The following FAT3 variants were observed in gnomAD, a reference collection of about 807,000 sequenced individuals.
The protein encoded by FAT3 is protocadherin Fat 3.
Under a neutral mutation model 310.2 loss-of-function variants are expected in FAT3, and 95 were observed. That is an observed-to-expected ratio of 0.31 (90% CI 0.26 to 0.36). FAT3 has a LOEUF of 0.36. Among genes scored for constraint, FAT3 ranks in the 10% least tolerant of loss-of-function variants. The pLI is 1.00. For missense variants in FAT3, 5,408 were observed against 5,715.6 expected, an observed-to-expected ratio of 0.95 and a Z score of 1.74; for synonymous variants, 2,314 against 2,192.9, an observed-to-expected ratio of 1.06 and a Z score of -1.54.
rs1565606712 is a variant in FAT3, at chr11:92,800,556, G to C, written c.7543G>C (p.Val2515Leu). The change falls in exon 10 of 28, where the codon GTA becomes CTA. Residue 2515 changes from valine to leucine, a missense_variant. Physicochemically the swap from Val to Leu is conservative, Grantham distance 32. Transcript: ENST00000525166. ...VRENVAAGTK[V>L]IHVRATDGDP... ...AGAGAACGTGGCTGCAGGAACAAAG[G>C]TAATTCATGTTCGAGCCACAGATGG... 2 of 1,613,770 alleles carry C rather than the reference G, an allele frequency of 1.2e-6. No individual in the cohort carries two copies. Among genetic ancestry groups the C allele is most frequent in the Non-Finnish European group, 1.7e-6 (2 of 1,179,832 alleles).
At chr11:92,647,719 A>G (rs976615380) in intron 3 of FAT3, among the ~76,000 whole-genome samples, 1 of 152,150 alleles carries the variant, frequency 6.6e-6, no homozygotes, top group Non-Finnish European at 1.5e-5. Flanking sequence ...CCAATAAACT[A>G]TCAATTAAAT....
chr11:92,230,978 A>G (rs1864155703), intron 1 of FAT3, among the ~76,000 whole-genome samples: 1 of 152,224 alleles, frequency 6.6e-6, no homozygotes, highest in Non-Finnish European at 1.5e-5. Flanking sequence ...GTCAGGGGGC[A>G]GTGCAGAGCT....
At chr11:92,795,605 G>A (rs537846240) in intron 9 of FAT3, among the ~76,000 whole-genome samples, 36 of 152,128 alleles carry the variant, frequency 2.4e-4, no homozygotes, top group African/African-American at 8.4e-4. Context: ...CCATGGGATA[G>A]CAGGATTATG....
At chr11:92,404,074 A>G (rs143870634) in intron 2 of FAT3, among the ~76,000 whole-genome samples, 269 of 151,900 alleles carry the variant, frequency 1.8e-3, no homozygotes, top group African/African-American at 5.8e-3. Flanking sequence ...GGAGGGAGGG[A>G]GGGAAAAGTT....
At chr11:92,889,957 AC>A (rs1949879323) in intron 27 of FAT3, 66 bp downstream of exon 27, 2 of 717,496 alleles carry the variant, frequency 2.8e-6, no homozygotes, top group Non-Finnish European at 5.2e-6. Context: ...GTTCATTCTT[AC>A]CCTGTTCCTG....
chr11:92,641,354 G>A (rs1301554877), intron 3 of FAT3, among the ~76,000 whole-genome samples: 1 of 152,050 alleles, frequency 6.6e-6, no homozygotes, highest in African/African-American at 2.4e-5. Flanking sequence ...GTTTCCTAGG[G>A]CCAATATGAC....
At chr11:92,782,561 GTAAT>G (rs1565589802) in intron 7 of FAT3, among the ~76,000 whole-genome samples, 3 of 152,124 alleles carry the variant, frequency 2.0e-5, no homozygotes, top group East Asian at 1.9e-4. Context: ...GTCTCAAAAA[GTAAT>G]TAATTAATTA....
At chr11:92,377,556 T>C (rs1217997767) in intron 2 of FAT3, among the ~76,000 whole-genome samples, 2 of 152,204 alleles carry the variant, frequency 1.3e-5, no homozygotes, top group Non-Finnish European at 2.9e-5. Flanking sequence ...TTATTAGAAT[T>C]ATTGAGCATG....
chr11:92,576,406 TGATAAAA>T (rs1938488191), intron 3 of FAT3, among the ~76,000 whole-genome samples: 1 of 152,156 alleles, frequency 6.6e-6, no homozygotes, highest in Non-Finnish European at 1.5e-5. Context: ...ACAAGTAAAT[TGATAAAA>T]CTTCAGTCCA....
chr11:92,598,181 A>G (rs946042883), intron 3 of FAT3, among the ~76,000 whole-genome samples: 1 of 149,132 alleles, frequency 6.7e-6, no homozygotes, highest in African/African-American at 2.4e-5. Context: ...GGATTTTAAA[A>G]ATTTATTTTC....
intron 2 of FAT3, among the ~76,000 whole-genome samples, chr11:92,439,126 G>A (rs1202502089): frequency 6.6e-6 from 1 of 152,138 alleles, no homozygotes; most frequent in Non-Finnish European, 1.5e-5. Flanking sequence ...TTCATTCTGT[G>A]TATTATTGGA....
At chr11:92,750,326 A>C (rs1447045323) in intron 4 of FAT3, among the ~76,000 whole-genome samples, 2 of 152,192 alleles carry the variant, frequency 1.3e-5, no homozygotes, top group Non-Finnish European at 2.9e-5. Flanking sequence ...AGTACTATGG[A>C]AGAAGTCGGG....
intron 21 of FAT3, among the ~76,000 whole-genome samples, chr11:92,865,842 G>A (rs941036722): frequency 4.6e-5 from 7 of 152,212 alleles, no homozygotes; most frequent in South Asian, 2.1e-4. Context: ...TGTGTGTGAT[G>A]TCTCCTGGGA....
At chr11:92,338,328 A>G (rs2134569491) in intron 1 of FAT3, among the ~76,000 whole-genome samples, 1 of 152,260 alleles carries the variant, frequency 6.6e-6, no homozygotes, top group African/African-American at 2.4e-5. Flanking sequence ...CCTACATGGA[A>G]TGAGGCTTCT....
At chr11:92,613,210 G>T (rs1349425411) in intron 3 of FAT3, among the ~76,000 whole-genome samples, 2 of 151,956 alleles carry the variant, frequency 1.3e-5, no homozygotes, top group African/African-American at 2.4e-5. Context: ...CCCTCCTTTG[G>T]TCGAGAAGAC....
At chr11:92,760,290 A>C (rs1591696339) in intron 4 of FAT3, among the ~76,000 whole-genome samples, 2 of 152,366 alleles carry the variant, frequency 1.3e-5, no homozygotes, top group Middle Eastern at 6.8e-3. Context: ...AGAGAAACTA[A>C]ACTAGATTGC....
At chr11:92,449,581 T>G (rs1281058250) in intron 2 of FAT3, among the ~76,000 whole-genome samples, 1 of 152,138 alleles carries the variant, frequency 6.6e-6, no homozygotes, top group Admixed American at 6.5e-5. Flanking sequence ...TTAGGGAACA[T>G]ACATCCTCAT....
intron 7 of FAT3, among the ~76,000 whole-genome samples, chr11:92,789,160 A>T (rs1243580928): frequency 4.6e-5 from 7 of 152,086 alleles, no homozygotes; most frequent in Non-Finnish European, 1.0e-4. Context: ...TTATTCTAAG[A>T]GTTCTGTCTT....
chr11:92,539,597 C>G lies in FAT3; in HGVS notation c.3607+14649C>G, dbSNP rs542829737. 9.9e-5 allele frequency among the ~76,000 whole-genome samples: 15 copies of G among 152,232 alleles called. No homozygotes were observed. In the South Asian group the frequency reaches 3.1e-3, roughly 32 times the overall value. On this transcript the variant is annotated intron_variant, in intron 3 of 27. Coordinates refer to ENST00000525166, the MANE Select transcript of FAT3 (RefSeq NM_001367949.2). ...GCCTAAAGAACGAACAGGCTGTTTA[C>G]AAGACAAAAGCACCTCACAGTAAAA...
Sources: allele counts gnomAD v4.1 joint callset (sites outside exome capture counted in the v4.1 genomes callset), GRCh38; gene constraint gnomAD v4.1.1; transcripts MANE v1.5; gene names NCBI Gene and HGNC (gene_info 2026-07-23, HGNC 2026-07-21).